TSHZ3: variants seen among roughly 807,000 people sequenced by gnomAD.
TSHZ3 encodes the protein teashirt zinc finger homeobox 3.
Under a neutral mutation model 64.5 loss-of-function variants are expected in TSHZ3, and 10 were observed. The observed-to-expected ratio is 0.16, with a 90% CI of 0.10 to 0.26. The LOEUF is 0.26. Ranked by LOEUF, TSHZ3 falls within the 10% of genes least tolerant of loss-of-function variation. The probability of loss-of-function intolerance (pLI) is 1.00; values close to 1 mark genes in which losing one functional copy is unlikely to be tolerated. For synonymous variants in TSHZ3, 608 were observed against 593.1 expected (o/e 1.03, Z -0.36); for missense variants, 1,242 against 1,421.7 (o/e 0.87, Z 2.03).
At chr19:31,331,050 C>T (rs1396652183) in intron 1 of TSHZ3, among the ~76,000 whole-genome samples, 4 of 152,258 alleles carry the variant, frequency 2.6e-5, no homozygotes, top group South Asian at 4.1e-4. Flanking sequence ...CCCAACCCAA[C>T]GGCAGAGTTA....
chr19:31,312,231 A>G (rs1360135836), intron 1 of TSHZ3, among the ~76,000 whole-genome samples: 2 of 152,194 alleles, frequency 1.3e-5, no homozygotes, highest in African/African-American at 2.4e-5. Flanking sequence ...GCTGGAAACT[A>G]TGAATCAGCA....
chr19:31,346,426 C>A (rs1252265657), intron 1 of TSHZ3, among the ~76,000 whole-genome samples: 3 of 152,206 alleles, frequency 2.0e-5, no homozygotes, highest in Admixed American at 2.0e-4. Context: ...GATGACACTG[C>A]GTCGAGCTTG....
At chr19:31,270,712 T>G (rs1165245768), downstream of TSHZ3, among the ~76,000 whole-genome samples, 1 of 152,216 alleles carries the variant, frequency 6.6e-6, no homozygotes, top group African/African-American at 2.4e-5. Context: ...ACTGATGAAC[T>G]AAATTTTAAT....
chr19:31,155,705 G>A (rs916028521), intron 6 of TSHZ3, among the ~76,000 whole-genome samples: 3 of 152,072 alleles, frequency 2.0e-5, no homozygotes, highest in Non-Finnish European at 4.4e-5. Flanking sequence ...CCAAGTTCTC[G>A]CCTTCGTCTG....
chr19:31,280,589 A>G (rs1345187180), intron 1 of TSHZ3, among the ~76,000 whole-genome samples: 1 of 152,226 alleles, frequency 6.6e-6, no homozygotes, highest in African/African-American at 2.4e-5. Flanking sequence ...TTCCTGATGT[A>G]TAAATATATA....
chr19:31,243,498 A>G (rs1399342386), intron 1 of TSHZ3, among the ~76,000 whole-genome samples: 1 of 152,112 alleles, frequency 6.6e-6, no homozygotes, highest in African/African-American at 2.4e-5. Flanking sequence ...ATGGTATCCT[A>G]TATCATATAA....
intron 3 of TSHZ3, among the ~76,000 whole-genome samples, chr19:31,237,710 C>G (rs900763103): frequency 6.6e-6 from 1 of 152,002 alleles, no homozygotes; most frequent in Admixed American, 6.6e-5. Flanking sequence ...AAACCTTTTT[C>G]TTTTCTAAAA....
chr19:31,249,514 C>T (rs1287612928), intron 1 of TSHZ3, among the ~76,000 whole-genome samples: 4 of 151,626 alleles, frequency 2.6e-5, no homozygotes, highest in East Asian at 3.9e-4. Flanking sequence ...CACACATGCG[C>T]GCCCGCACAC....
At chr19:31,303,405 G>A (rs928142835) in intron 1 of TSHZ3, among the ~76,000 whole-genome samples, 3 of 152,218 alleles carry the variant, frequency 2.0e-5, no homozygotes, top group African/African-American at 4.8e-5. Context: ...CTGGCTCACC[G>A]GAGACGCACT....
intron 1 of TSHZ3, among the ~76,000 whole-genome samples, chr19:31,298,547 T>C (rs565251216): frequency 6.6e-6 from 1 of 152,264 alleles, no homozygotes; most frequent in African/African-American, 2.4e-5. Context: ...GAACCAATTG[T>C]GGATGCACAG....
chr19:31,302,156 G>A (rs917965054), intron 1 of TSHZ3, among the ~76,000 whole-genome samples: 2 of 152,178 alleles, frequency 1.3e-5, no homozygotes, highest in Non-Finnish European at 2.9e-5. Context: ...ATCTGAGACT[G>A]CCACTCACAG....
intron 1 of TSHZ3, among the ~76,000 whole-genome samples, chr19:31,334,205 A>G (rs988080996): frequency 6.6e-6 from 1 of 152,212 alleles, no homozygotes; most frequent in Admixed American, 6.5e-5. Flanking sequence ...GATTTTATAC[A>G]GAAAAGCAAG....
chr19:31,292,014 C>A (rs1976575113), intron 1 of TSHZ3, among the ~76,000 whole-genome samples: 1 of 152,182 alleles, frequency 6.6e-6, no homozygotes, highest in South Asian at 2.1e-4. Flanking sequence ...GTGCCGTATT[C>A]CCATTCCTCT....
At chr19:31,288,678 A>T (rs1428035783) in intron 1 of TSHZ3, among the ~76,000 whole-genome samples, 5 of 152,074 alleles carry the variant, frequency 3.3e-5, no homozygotes, top group Non-Finnish European at 7.4e-5. Context: ...TAGTAGCTGG[A>T]ACTACAGGTA....
intron 1 of TSHZ3, among the ~76,000 whole-genome samples, chr19:31,294,628 G>T (rs903336390): frequency 3.3e-5 from 5 of 152,182 alleles, no homozygotes; most frequent in Non-Finnish European, 7.3e-5. Flanking sequence ...ACATATACAT[G>T]CCTACAGATT....
chr19:31,171,828 C>G (rs565975617), intron 5 of TSHZ3, among the ~76,000 whole-genome samples: 1 of 152,114 alleles, frequency 6.6e-6, no homozygotes, highest in Non-Finnish European at 1.5e-5. Context: ...GAGCCCTGTC[C>G]ATTCTGCCCC....
intron 1 of TSHZ3, among the ~76,000 whole-genome samples, chr19:31,269,889 G>A (rs1175956856): frequency 6.6e-6 from 1 of 152,226 alleles, no homozygotes. Flanking sequence ...TGCCTGGGCA[G>A]GGAGTCCCAG....
chr19:31,350,421 GC>G (rs887151584), upstream of TSHZ3, among the ~76,000 whole-genome samples: 2 of 151,330 alleles, frequency 1.3e-5, no homozygotes, highest in Admixed American at 6.6e-5. Flanking sequence ...CCCGCCCCTC[GC>G]CCCCGGGAGC....
chr19:31,340,793 C>T (rs1022673298), intron 1 of TSHZ3, among the ~76,000 whole-genome samples: 2 of 152,216 alleles, frequency 1.3e-5, no homozygotes, highest in African/African-American at 4.8e-5. Context: ...GCTTACCTGG[C>T]AGGCAGGAGG....
Sources: allele counts gnomAD v4.1 joint callset (sites outside exome capture counted in the v4.1 genomes callset), GRCh38; gene constraint gnomAD v4.1.1; transcripts MANE v1.5; gene names NCBI Gene and HGNC (gene_info 2026-07-23, HGNC 2026-07-21).